Variants in TCF20 observed in about 807,000 individuals in gnomAD.
TCF20 encodes the protein SPRE-binding protein.
In TCF20, 3 loss-of-function variants were observed where a neutral mutation model predicts 148.6. The observed-to-expected ratio is 0.02, with a 90% CI of 0.01 to 0.05. The LOEUF (loss-of-function observed/expected upper bound fraction) is 0.05. Among genes scored for constraint, TCF20 ranks in the 10% least tolerant of loss-of-function variants. TCF20 has a pLI of 1.00. For synonymous variants in TCF20, 1,049 were observed against 909.5 expected (o/e 1.15, Z -2.76); for missense variants, 2,350 against 2,429.3 (o/e 0.97, Z 0.69).
At chr22:42,304,816 G>A (rs1172217270) in intron 1 of TCF20, among the ~76,000 whole-genome samples, 1 of 152,190 alleles carries the variant, frequency 6.6e-6, no homozygotes, top group East Asian at 1.9e-4. Flanking sequence ...CTTCAGGGGC[G>A]CTCTTGGTGG....
In TCF20 at chr22:42,297,552, T is replaced by C. The variant is rs1927258299; in HGVS notation, c.-37+45927A>G. ...TGGCTGGGCTGGAGGGGCCAGACAC[T>C]GGGGAGGGGCAGTTCACAGGGTCAG... On this transcript the variant is annotated intron_variant, in intron 1 of 1. Coordinates refer to the TCF20 transcript ENST00000515426. The surrounding 1 kb of genome is among the most constrained non-coding windows in gnomAD (Gnocchi z 4.3). Among the ~76,000 whole-genome samples the C allele has an allele frequency of 6.6e-6, 1 of 152,078 alleles. No individual in the cohort carries two copies. The highest frequency in any genetic ancestry group is 1.5e-5 in the Non-Finnish European group (1 of 68,004).
At position 42,193,288 on chromosome 22, in the gene TCF20, C is replaced by CTT. The variant is rs540026059; in HGVS notation, c.5656-13588_5656-13587dup. On this transcript the variant is annotated intron_variant, in intron 2 of 5. Coordinates refer to ENST00000677622, the MANE Select transcript of TCF20 (RefSeq NM_001378418.1). ...TACATCTCCTCCTCCTCCACCTACA[C>CTT]TTTTTTTTTTTTTTGAGATAGGGTC... Among the ~76,000 whole-genome samples the CTT allele has an allele frequency of 6.3e-4, 90 of 141,912 alleles. No homozygotes were observed. The Middle Eastern group carries it at 0.019, about 30-fold the overall frequency. The allele number at this position is 141,912 out of a possible 152,430, so 93.1% of individuals were successfully genotyped here. A position where few individuals can be genotyped will look rare whatever the true frequency, so the allele number is the denominator to read the frequency against.
intron 3 of TCF20, among the ~76,000 whole-genome samples, chr22:42,173,818 A>G (rs1317788867): frequency 6.6e-6 from 1 of 152,088 alleles, no homozygotes; most frequent in Non-Finnish European, 1.5e-5. Context: ...TGAAGGAGCA[A>G]AGTGCACAGC....
upstream of TCF20, among the ~76,000 whole-genome samples, chr22:42,285,066 C>T (rs777733149): frequency 5.3e-5 from 8 of 152,226 alleles, no homozygotes; most frequent in Non-Finnish European, 1.2e-4. The surrounding 1 kb of genome is among the most constrained non-coding windows in gnomAD (Gnocchi z 4.2). Context: ...AGAGGCCATG[C>T]ACTTCACTCG....
At chr22:42,223,265 A>G (rs1348574521) in intron 1 of TCF20, among the ~76,000 whole-genome samples, 1 of 152,234 alleles carries the variant, frequency 6.6e-6, no homozygotes, top group Admixed American at 6.5e-5. Context: ...AATTTTTTCC[A>G]AAAGTCCAAA....
chr22:42,243,340 C>T (rs563957456), intron 1 of TCF20, among the ~76,000 whole-genome samples: 21 of 132,228 alleles, frequency 1.6e-4, no homozygotes, highest in Non-Finnish European at 2.8e-4. Flanking sequence ...TGATGGCTCA[C>T]GCCTGTAATC....
At chr22:42,330,302 G>T (rs1161029450) in intron 1 of TCF20, among the ~76,000 whole-genome samples, 1 of 152,192 alleles carries the variant, frequency 6.6e-6, no homozygotes, top group Non-Finnish European at 1.5e-5. Flanking sequence ...AACTTGCTGA[G>T]CACAGGGCAG....
chr22:42,288,715 CAAAAAAAAAAAAAAAA>C (rs60058670), upstream of TCF20, among the ~76,000 whole-genome samples: 1 of 85,302 alleles, frequency 1.2e-5, no homozygotes, highest in East Asian at 3.4e-4. Context: ...GACCCTGTAT[CAAAAAAAAAAAAAAAA>C]AAAAAAAAAA....
intron 1 of TCF20, among the ~76,000 whole-genome samples, chr22:42,237,400 G>A (rs891259110): frequency 6.6e-6 from 1 of 152,090 alleles, no homozygotes; most frequent in African/African-American, 2.4e-5. Flanking sequence ...TTTAATTCGA[G>A]TTCTCTTGCT....
At chr22:42,310,303 T>A (rs942598049) in intron 1 of TCF20, among the ~76,000 whole-genome samples, 1 of 152,270 alleles carries the variant, frequency 6.6e-6, no homozygotes. Flanking sequence ...AAGGGCCTAC[T>A]ATGTGCCAGG....
intron 1 of TCF20, among the ~76,000 whole-genome samples, chr22:42,255,261 C>A (rs557618936): frequency 2.6e-5 from 4 of 151,978 alleles, no homozygotes; most frequent in Non-Finnish European, 5.9e-5. Context: ...CCAAGGCGGG[C>A]GGATCACGAG....
At chr22:42,314,584 T>G (rs1372433670) in intron 1 of TCF20, among the ~76,000 whole-genome samples, 1 of 152,116 alleles carries the variant, frequency 6.6e-6, no homozygotes, top group Admixed American at 6.5e-5. Flanking sequence ...CCGCAGGTCC[T>G]GCACCCAGGA....
At chr22:42,209,105 C>G (rs1938592531) in intron 2 of TCF20, among the ~76,000 whole-genome samples, 1 of 152,216 alleles carries the variant, frequency 6.6e-6, no homozygotes, top group Admixed American at 6.5e-5. Flanking sequence ...ATCTAGAATT[C>G]CACACCTAGC....
intron 1 of TCF20, among the ~76,000 whole-genome samples, chr22:42,325,519 G>A (rs945572755): frequency 1.3e-5 from 2 of 152,028 alleles, no homozygotes; most frequent in African/African-American, 2.4e-5. Context: ...TGCACACGGT[G>A]GCAAGTCACA....
At chr22:42,236,301 A>T (rs117154009) in intron 1 of TCF20, among the ~76,000 whole-genome samples, 1 of 152,252 alleles carries the variant, frequency 6.6e-6, no homozygotes, top group East Asian at 1.9e-4. Flanking sequence ...TGATTGGTGT[A>T]ACAGCACTCT....
At position 42,160,283 on chromosome 22, in the gene TCF20, C is replaced by T. The variant is rs1446049615; in HGVS notation, c.*1120G>A. The T allele has an allele frequency of 6.6e-6, 1 of 152,522 alleles. No individual in the cohort carries two copies. Among genetic ancestry groups the T allele is most frequent in the Non-Finnish European group, 1.5e-5 (1 of 68,018 alleles). The allele number at this position is 152,522 out of a possible 1,614,324, so 9.4% of individuals were successfully genotyped here. On this transcript the variant is annotated 3_prime_UTR_variant, in exon 6 of 6. Coordinates refer to ENST00000677622, the MANE Select transcript of TCF20 (RefSeq NM_001378418.1). ...GCATGGGGCTGCCTATCTGACAGGT[C>T]CTCTTTTCCTTTATAAAAATGAAAG...
chr22:42,271,117 G>A (rs1926601514), upstream of TCF20, among the ~76,000 whole-genome samples: 1 of 152,170 alleles, frequency 6.6e-6, no homozygotes, highest in Admixed American at 6.5e-5. Flanking sequence ...GTCGGGCGTG[G>A]GGGCGGCTCC....
Position 42,210,935 on chromosome 22 carries a change from T to G in TCF20, c.4371A>C (p.Gly1457=). The change falls in exon 2 of 6, where the codon GGA becomes GGC. Residue 1457 remains glycine, a synonymous_variant. Coordinates refer to ENST00000677622, the MANE Select transcript of TCF20 (RefSeq NM_001378418.1). This position sits in a 1 kb window ranked among gnomAD's most constrained non-coding sequence, Gnocchi z 4.7. The part of the protein sequence containing the change: ...TETHAETVTA[G]KEPPGAMTST... ...ATGTCATGGCACCAGGGGGTTCCTTTCCGGCAGTAACTGTTTCTGCATGTG... is the reference window on the plus strand; with the variant it reads ...ATGTCATGGCACCAGGGGGTTCCTTGCCGGCAGTAACTGTTTCTGCATGTG... 1 of 1,614,186 alleles carries G rather than the reference T, an allele frequency of 6.2e-7. No homozygotes were observed. The highest frequency in any genetic ancestry group is 8.5e-7 in the Non-Finnish European group (1 of 1,180,038).
chr22:42,231,910 CAG>C (rs941876762), intron 1 of TCF20, among the ~76,000 whole-genome samples: 1 of 112,980 alleles, frequency 8.9e-6, no homozygotes, highest in African/African-American at 3.6e-5. Context: ...GCCTGGGCGA[CAG>C]AGAGAGACTC....
Sources: allele counts gnomAD v4.1 joint callset (sites outside exome capture counted in the v4.1 genomes callset), GRCh38; gene constraint gnomAD v4.1.1; non-coding constraint Gnocchi (gnomAD v3.1); transcripts MANE v1.5; gene names NCBI Gene and HGNC (gene_info 2026-07-23, HGNC 2026-07-21).